The following ADAMTS9 variants were observed in gnomAD, a reference collection of about 807,000 sequenced individuals.
The protein encoded by ADAMTS9 is A disintegrin and metalloproteinase with thrombospondin motifs 9.
In ADAMTS9, 107 loss-of-function variants were observed where a neutral mutation model predicts 257.1. That is an observed-to-expected ratio of 0.42 (90% CI 0.36 to 0.49). The LOEUF (loss-of-function observed/expected upper bound fraction) is 0.49. Ranked by LOEUF, ADAMTS9 falls within the 20% of genes least tolerant of loss-of-function variation. The pLI is 0.03. For missense variants in ADAMTS9, 2,353 were observed against 2,469.1 expected (o/e 0.95, Z 1.00); for synonymous variants, 982 against 880.9 (o/e 1.11, Z -2.03).
At chr3:64,623,095 A>G (rs1243318832) in intron 16 of ADAMTS9, among the ~76,000 whole-genome samples, 1 of 152,182 alleles carries the variant, frequency 6.6e-6, no homozygotes, top group Non-Finnish European at 1.5e-5. Flanking sequence ...ATGCTCAAAG[A>G]TCTCCTTATC....
intron 28 of ADAMTS9, 111 bp downstream of exon 28, chr3:64,594,147 A>G: frequency 8.7e-7 from 1 of 1,153,922 alleles, no homozygotes; most frequent in Non-Finnish European, 1.2e-6. Flanking sequence ...TTTATAGCAG[A>G]GTTTCTGGGA....
intron 28 of ADAMTS9, 174 bp from the exon 29 acceptor site, chr3:64,568,709 GAA>G: frequency 1.1e-5 from 7 of 627,286 alleles, no homozygotes; most frequent in African/African-American, 3.9e-5. Flanking sequence ...AGGTGGCATT[GAA>G]AAAAAAAATG....
intron 38 of ADAMTS9, among the ~76,000 whole-genome samples, chr3:64,531,055 G>A (rs1046527439): frequency 6.6e-6 from 1 of 152,138 alleles, no homozygotes; most frequent in Non-Finnish European, 1.5e-5. Flanking sequence ...TCAGTGCAAG[G>A]AAAAATATTT....
intron 28 of ADAMTS9, among the ~76,000 whole-genome samples, chr3:64,590,566 T>C (rs2084241695): frequency 6.6e-6 from 1 of 152,234 alleles, no homozygotes; most frequent in East Asian, 1.9e-4. Flanking sequence ...ATGGTAGTGA[T>C]ATTTACAATC....
In ADAMTS9 at chr3:64,650,547, C is replaced by T. The variant is rs9851501; in HGVS notation, c.1463+470G>A. 6.2e-3 allele frequency: 968 copies of T among 154,884 alleles called. 9 individuals carry two copies. Among genetic ancestry groups the T allele is most frequent in the South Asian group, 0.022 (107 of 4,958 alleles). The allele number at this position is 154,884 out of a possible 1,614,324, so 9.6% of individuals were successfully genotyped here. ...GGGAAGAGGGGGAGAGGAAGAGTGA[C>T]GCAGAGAGAGAATGTCCTCAACTCA... On this transcript the variant is annotated intron_variant, in intron 9 of 39. Transcript: ENST00000498707.
chr3:64,578,749 T>C (rs557008487), intron 28 of ADAMTS9, among the ~76,000 whole-genome samples: 10 of 152,310 alleles, frequency 6.6e-5, no homozygotes, highest in Admixed American at 5.9e-4. Context: ...TCCTTTCACT[T>C]GTCCAGTCCA....
rs1461870874 is a variant in ADAMTS9 at position 64,561,733 on chromosome 3, G to T, written c.4543C>A (p.Arg1515=). The change falls in exon 30 of 40, where the codon CGA becomes AGA. Residue 1515 remains arginine (R), a synonymous_variant. Coordinates refer to ENST00000498707, the MANE Select transcript of ADAMTS9 (RefSeq NM_182920.2). ...CCCACATGCCTCTGCTGTACGCCTC[G>T]GCCACAGGACACAGAGCACTAAGAA... ...AWSQCSVSCG[R]GVQQRHVGCQ... 1 of 1,612,796 alleles carries T rather than the reference G, an allele frequency of 6.2e-7. No homozygotes were observed. Among genetic ancestry groups the T allele is most frequent in the East Asian group, 2.2e-5 (1 of 44,760 alleles).
chr3:64,546,037 A>G (rs1264052511), intron 32 of ADAMTS9, among the ~76,000 whole-genome samples: 1 of 152,242 alleles, frequency 6.6e-6, no homozygotes, highest in African/African-American at 2.4e-5. Context: ...AAGCACTAGA[A>G]CATACAGACT....
At position 64,615,447 on chromosome 3, in the gene ADAMTS9, C is replaced by T; in HGVS notation, c.3063G>A (p.Arg1021=). The T allele has an allele frequency of 1.2e-6, 2 of 1,613,816 alleles. No homozygotes were observed. The highest frequency in any genetic ancestry group is 1.7e-6 in the Non-Finnish European group (2 of 1,179,860). Reference sequence around the variant, plus strand: ...CATTTCGGGTATTGACACAAATAGCCCTTCTCCTCTGGGTCCCACCGTCAC... The same window carrying T: ...CATTTCGGGTATTGACACAAATAGCTCTTCTCCTCTGGGTCCCACCGTCAC... The part of the protein sequence containing the change: ...KSCDGGTQRR[R]AICVNTRNDV... Residue 1021 remains arginine, a synonymous_variant, in exon 21 of 40, where the codon AGG becomes AGA. Coordinates refer to ENST00000498707, the MANE Select transcript of ADAMTS9 (RefSeq NM_182920.2).
chr3:64,527,288 C>G (rs1367551600), intron 38 of ADAMTS9, among the ~76,000 whole-genome samples: 3 of 152,182 alleles, frequency 2.0e-5, no homozygotes, highest in African/African-American at 7.2e-5. Flanking sequence ...GAATGAATCT[C>G]TGTTCCATTA....
intron 38 of ADAMTS9, among the ~76,000 whole-genome samples, chr3:64,526,220 G>A (rs1444219778): frequency 6.6e-6 from 1 of 151,476 alleles, no homozygotes; most frequent in Non-Finnish European, 1.5e-5. Context: ...TTGAGGTGTT[G>A]GGTATCCCAC....
chr3:64,645,732 C>G (rs1203526603), intron 11 of ADAMTS9, among the ~76,000 whole-genome samples: 1 of 152,176 alleles, frequency 6.6e-6, no homozygotes, highest in Admixed American at 6.5e-5. Context: ...ATCATTTTCT[C>G]TGCACAGTTC....
At chr3:64,549,857 A>G (rs2083247435) in intron 31 of ADAMTS9, among the ~76,000 whole-genome samples, 2 of 152,224 alleles carry the variant, frequency 1.3e-5, no homozygotes. Context: ...TAATTAGAAA[A>G]GACTTTGGGA....
intron 3 of ADAMTS9, among the ~76,000 whole-genome samples, chr3:64,664,216 T>G (rs1318040025): frequency 1.3e-5 from 2 of 152,164 alleles, no homozygotes; most frequent in African/African-American, 4.8e-5. Flanking sequence ...GTCTGTGTAT[T>G]CTTGCTCTTC....
intron 28 of ADAMTS9, among the ~76,000 whole-genome samples, chr3:64,580,355 C>T (rs2083966875): frequency 6.6e-6 from 1 of 152,012 alleles, no homozygotes; most frequent in Admixed American, 6.6e-5. Context: ...ACTCTAAAAC[C>T]AATACCGAGC....
rs2083258706 is a variant in ADAMTS9 at position 64,550,674 on chromosome 3, G to A, written c.4869+218C>T. 7.1e-6 allele frequency: 4 copies of A among 561,720 alleles called. No individual in the cohort carries two copies. In the Admixed American group the frequency reaches 9.7e-5, roughly 14 times the overall value. The allele number at this position is 561,720 out of a possible 1,614,324, so 34.8% of individuals were successfully genotyped here. On this transcript the variant is annotated intron_variant, in intron 31 of 39. Coordinates refer to ENST00000498707, the MANE Select transcript of ADAMTS9 (RefSeq NM_182920.2). The stretch of plus-strand genomic sequence containing the variant: ...GTGAATCACAGAATGTAGACCTGAA[G>A]GGACTTAGAGACCATCTCTTACATC...
chr3:64,608,258 C>CAAAAAAAAAAAAAAAACAAAAAAA (rs2084596538), intron 22 of ADAMTS9, among the ~76,000 whole-genome samples: 1 of 53,320 alleles, frequency 1.9e-5, no homozygotes, highest in East Asian at 4.8e-4. Context: ...AAACTAAAAC[C>CAAAAAAAAAAAAAAAACAAAAAAA]AAAAAAAAAA....
Position 64,602,048 on chromosome 3 carries a change from C to A in ADAMTS9, c.3913G>T (p.Ala1305Ser). 6.2e-7 allele frequency: 1 copy of A among 1,614,046 alleles called. No individual in the cohort carries two copies. The highest frequency in any genetic ancestry group is 8.5e-7 in the Non-Finnish European group (1 of 1,179,990). The part of the protein sequence containing the change: ...CPQRTPDSGL[A>S]QHPFQNEDYR... ...TCCTCATTTTGGAAGGGGTGCTGAG[C>A]TAAGCCACTGTCTGGGGTCCTTTGA... The change falls in exon 26 of 40, where the codon GCT becomes TCT. Residue 1305 changes from alanine to serine, a missense_variant. Ala to Ser is a moderately conservative substitution (Grantham distance 99, BLOSUM62 1). Coordinates refer to ENST00000498707, the MANE Select transcript of ADAMTS9 (RefSeq NM_182920.2).
chr3:64,640,150 C>A (rs1397259877), intron 12 of ADAMTS9, among the ~76,000 whole-genome samples: 3 of 152,146 alleles, frequency 2.0e-5, no homozygotes, highest in African/African-American at 7.2e-5. Context: ...TTTTATGGAA[C>A]AGAGTCTGTA....
Sources: gnomAD v4.1 joint callset for allele counts (sites outside exome capture counted in the v4.1 genomes callset) on GRCh38, gnomAD v4.1.1 for gene constraint, MANE v1.5 for transcripts, NCBI Gene and HGNC (gene_info 2026-07-23, HGNC 2026-07-21) for gene names.